Variants in BTG4 observed in about 807,000 individuals in gnomAD.
The protein encoded by BTG4 is BTG anti-proliferation factor 4, also known as protein BTG4.
In BTG4, 10 loss-of-function variants were observed where a neutral mutation model predicts 19.3. The observed-to-expected ratio is 0.52, with a 90% CI of 0.32 to 0.88. The LOEUF (loss-of-function observed/expected upper bound fraction) is 0.88, where lower values mean the gene tolerates loss of function less well. Among genes scored for constraint, BTG4 ranks in the 40% least tolerant of loss-of-function variants. BTG4 has a pLI of 0.04. For missense variants in BTG4, 238 were observed against 281.9 expected (o/e 0.84, Z 1.11); for synonymous variants, 91 against 95.7 (o/e 0.95, Z 0.29).
rs574108135 is a variant in BTG4 at position 111,472,518 on chromosome 11, G to A, written c.663-4837C>T. Among the ~76,000 whole-genome samples, 5 of 152,282 alleles carry A rather than the reference G, an allele frequency of 3.3e-5. No homozygotes were observed. The South Asian group carries it at 8.3e-4, about 25-fold the overall frequency. On this transcript the variant is annotated intron_variant, in intron 5 of 5. Transcript: ENST00000356018. The stretch of plus-strand genomic sequence containing the variant: ...CCTACAGTGCATGGGACAGCTCCCA[G>A]AGCAAAGAGTTACTCATCCCAAAAT...
intron 1 of BTG4, among the ~76,000 whole-genome samples, chr11:111,505,808 G>A (rs1866415324): frequency 6.6e-6 from 1 of 151,952 alleles, no homozygotes; most frequent in South Asian, 2.1e-4. Flanking sequence ...TGAAAATGGG[G>A]CAAAGAACAT....
At chr11:111,467,699 TA>T in intron 5 of BTG4, 1 of 752,786 alleles carries the variant, frequency 1.3e-6, no homozygotes, top group South Asian at 1.5e-5. Context: ...CCAGTATAGA[TA>T]AATGAAAGCA....
chr11:111,493,496 T>TA (rs35937543), downstream of BTG4, among the ~76,000 whole-genome samples: 1 of 152,212 alleles, frequency 6.6e-6, no homozygotes, highest in Non-Finnish European at 1.5e-5. Context: ...TCCTAAAGCC[T>TA]AATACTTACA....
chr11:111,418,395 A>G, the BTG4 span, among the ~76,000 whole-genome samples: 1,170 of 152,292 alleles, frequency 7.7e-3, 18 homozygotes, highest in African/African-American at 0.027. Context: ...AGGCTTGGCC[A>G]TCATCATCAC....
Position 111,498,610 on chromosome 11 carries a change from G to T in BTG4, c.167C>A (p.Ala56Asp). Reference protein sequence around the residue: ...WHSDCPSKGQAFRCIRINNNQ... With the variant: ...WHSDCPSKGQDFRCIRINNNQ... ...CCCACATACTAGCTCTCACCTGAAG[G>T]CTTGCCCTTTAGAAGGGCAATCAGA... The change falls in exon 2 of 5, where the codon GCC becomes GAC. Residue 56 changes from alanine to aspartate, a missense_variant. Coordinates refer to ENST00000692032, the MANE Select transcript of BTG4 (RefSeq NM_001367975.1). 1 of 1,612,512 alleles carries T rather than the reference G, an allele frequency of 6.2e-7. No homozygotes were observed. The highest frequency in any genetic ancestry group is 8.5e-7 in the Non-Finnish European group (1 of 1,179,612).
chr11:111,455,781 G>T, the BTG4 span: 6 of 454,752 alleles, frequency 1.3e-5, no homozygotes, highest in Admixed American at 1.2e-4. Flanking sequence ...TGGACACGGT[G>T]CTGGGCCACC....
chr11:111,432,542 G>T, the BTG4 span, among the ~76,000 whole-genome samples: 2 of 152,230 alleles, frequency 1.3e-5, no homozygotes, highest in African/African-American at 4.8e-5. Flanking sequence ...TACTTGGGAG[G>T]CTGAGGCAGG....
At chr11:111,455,548 T>C in the BTG4 span, 2 of 244,364 alleles carry the variant, frequency 8.2e-6, no homozygotes, top group South Asian at 4.7e-5. Flanking sequence ...CTGAGGGAGG[T>C]TCAGCAGCAG....
At chr11:111,470,355 G>A (rs1268303183) in intron 5 of BTG4, among the ~76,000 whole-genome samples, 1 of 152,100 alleles carries the variant, frequency 6.6e-6, no homozygotes, top group South Asian at 2.1e-4. Flanking sequence ...AAAGTTCTGG[G>A]ATTACAGGCA....
the BTG4 span, among the ~76,000 whole-genome samples, chr11:111,451,829 A>C: frequency 6.6e-6 from 1 of 152,186 alleles, no homozygotes; most frequent in East Asian, 1.9e-4. Context: ...AGATGCCCTG[A>C]TGTCCCTATC....
chr11:111,440,504 C>T, the BTG4 span, among the ~76,000 whole-genome samples: 5 of 152,202 alleles, frequency 3.3e-5, no homozygotes, highest in African/African-American at 4.8e-5. Context: ...TAGGAGCTGA[C>T]ATCCTTTCCA....
chr11:111,456,590 CCTT>C, the BTG4 span: 1 of 454,694 alleles, frequency 2.2e-6, no homozygotes, highest in Non-Finnish European at 4.4e-6. The surrounding 1 kb of genome is among the most constrained non-coding windows in gnomAD (Gnocchi z 4.2). Context: ...GGCCCCAACT[CCTT>C]GATGCTTCCA....
chr11:111,506,684 T>C (rs1478869633), intron 1 of BTG4, among the ~76,000 whole-genome samples: 1 of 152,172 alleles, frequency 6.6e-6, no homozygotes, highest in Non-Finnish European at 1.5e-5. Context: ...TGCAACACTC[T>C]ATACTAATAT....
At chr11:111,425,144 G>A in the BTG4 span, among the ~76,000 whole-genome samples, 1 of 152,124 alleles carries the variant, frequency 6.6e-6, no homozygotes, top group African/African-American at 2.4e-5. Context: ...TTTTATCATG[G>A]GGCATGCATT....
At chr11:111,430,075 G>C in the BTG4 span, among the ~76,000 whole-genome samples, 1 of 152,202 alleles carries the variant, frequency 6.6e-6, no homozygotes, top group African/African-American at 2.4e-5. Context: ...ATTGTCATGT[G>C]TTGTTAACCC....
the BTG4 span, among the ~76,000 whole-genome samples, chr11:111,435,801 A>T: frequency 6.6e-6 from 1 of 150,636 alleles, no homozygotes; most frequent in East Asian, 2.0e-4. Flanking sequence ...ATCAAACACA[A>T]CTCCACCCCA....
the BTG4 span, chr11:111,401,063 A>T: frequency 4.7e-5 from 7 of 149,408 alleles, 1 homozygote; most frequent in South Asian, 1.5e-3. Flanking sequence ...TAAAAAAAAA[A>T]AAAAAAAAAA....
chr11:111,476,135 T>TACACACACACACACACACAC lies in BTG4; in HGVS notation c.663-8474_663-8455dup, dbSNP rs55989357. ...GCACCAAGAGAAGTACCAGAATAGA[T>TACACACACACACACACACAC]ACACACACACACACACACACACACA... On this transcript the variant is annotated intron_variant, in intron 5 of 5. Transcript: ENST00000356018. Among the ~76,000 whole-genome samples, 894 of 148,804 alleles carry TACACACACACACACACACAC rather than the reference T, an allele frequency of 6.0e-3. 14 individuals carry two copies. Among genetic ancestry groups the TACACACACACACACACACAC allele is most frequent in the African/African-American group, 0.021 (839 of 40,292 alleles).
intron 5 of BTG4, among the ~76,000 whole-genome samples, chr11:111,482,837 G>GA (rs34239854): frequency 0.36 from 51,392 of 143,424 alleles, 8,870 homozygotes; most frequent in Middle Eastern, 0.4. Flanking sequence ...TAAAACTTTA[G>GA]AAAAAAAAAA....
Sources: gnomAD v4.1 joint callset for allele counts (sites outside exome capture counted in the v4.1 genomes callset) on GRCh38, gnomAD v4.1.1 for gene constraint, Gnocchi (gnomAD v3.1) non-coding constraint, MANE v1.5 for transcripts, NCBI Gene and HGNC (gene_info 2026-07-23, HGNC 2026-07-21) for gene names.